TNNI3K: variants seen among roughly 807,000 people sequenced by gnomAD.
TNNI3K encodes TNNI3 interacting kinase, also known as serine/threonine-protein kinase TNNI3K.
A neutral mutation model predicts 114.5 loss-of-function variants in TNNI3K; 140 were observed. The ratio of observed to expected loss-of-function variants is 1.22; its 90% CI spans 1.07 to 1.41. TNNI3K has a LOEUF of 1.41. TNNI3K is among the 40% of genes most tolerant of loss of function. The pLI, the probability that TNNI3K is intolerant of heterozygous loss-of-function variation, is 0.00. For missense variants in TNNI3K, 1,125 were observed against 1,007.6 expected (o/e 1.12, Z -1.58); for synonymous variants, 347 against 347.5 (o/e 1.00, Z 0.02).
Position 74,369,093 on chromosome 1 carries a change from T to G in TNNI3K, c.1393T>G (p.Phe465Val). ...HFHLQLSEIE[F>V]HEIIGSGSFG... ...CCATCTTCAGCTCTCAGAAATTGAG[T>G]TCCATGAGATTATTGGCTCAGGTAA... is the stretch of plus-strand genomic sequence containing the variant. The change falls in exon 14 of 25, where the codon TTC becomes GTC. Residue 465 changes from phenylalanine (F) to valine (V), a missense_variant. Phe to Val is a conservative substitution (Grantham distance 50). Transcript: ENST00000326637. 1 of 1,610,328 alleles carries G rather than the reference T, an allele frequency of 6.2e-7. No individual in the cohort carries two copies. Among genetic ancestry groups the G allele is most frequent in the Non-Finnish European group, 8.5e-7 (1 of 1,178,322 alleles).
intron 23 of TNNI3K, among the ~76,000 whole-genome samples, chr1:74,506,806 C>T (rs766481217): frequency 3.9e-5 from 6 of 152,226 alleles, no homozygotes; most frequent in Middle Eastern, 3.4e-3. Flanking sequence ...TTTTTTCCTT[C>T]TCCAAGGTTG....
intron 21 of TNNI3K, chr1:74,470,341 G>A (rs900056623): frequency 5.0e-6 from 2 of 400,578 alleles, no homozygotes; most frequent in Non-Finnish European, 8.8e-6. Flanking sequence ...TAACATACTA[G>A]AATCTGTCTT....
intron 23 of TNNI3K, among the ~76,000 whole-genome samples, chr1:74,500,422 T>G (rs1248781492): frequency 6.6e-6 from 1 of 150,956 alleles, no homozygotes; most frequent in Non-Finnish European, 1.5e-5. Context: ...TAAAAAACGG[T>G]GAAACCCCGT....
intron 17 of TNNI3K, among the ~76,000 whole-genome samples, chr1:74,383,994 A>G (rs1166468001): frequency 6.6e-6 from 1 of 152,112 alleles, no homozygotes; most frequent in African/African-American, 2.4e-5. Context: ...ATGTATAGTC[A>G]TTTAGCCCCA....
chr1:74,477,645 T>A (rs1234933024), intron 21 of TNNI3K, among the ~76,000 whole-genome samples: 2 of 152,198 alleles, frequency 1.3e-5, no homozygotes, highest in East Asian at 3.8e-4. Flanking sequence ...TCTAATTGTG[T>A]CTGAATGGCA....
intron 5 of TNNI3K, among the ~76,000 whole-genome samples, chr1:74,313,951 T>C (rs771254635): frequency 6.6e-6 from 1 of 151,334 alleles, no homozygotes; most frequent in African/African-American, 2.4e-5. Context: ...TTTTAACCTC[T>C]GATAAGACTG....
chr1:74,242,233 G>A (rs1194813987), intron 2 of TNNI3K, among the ~76,000 whole-genome samples: 1 of 152,132 alleles, frequency 6.6e-6, no homozygotes, highest in Non-Finnish European at 1.5e-5. Context: ...ATCTTGGTCA[G>A]TAATTACAGT....
rs981594019 is a variant in TNNI3K at position 74,544,272 on chromosome 1, T to C, written c.*290T>C. The stretch of plus-strand genomic sequence containing the variant: ...TTGGAAATGGAGCCTAAGTCTGTGG[T>C]GGACAGATAATAATTATGTTTTCCT... On this transcript the variant is annotated 3_prime_UTR_variant, in exon 25 of 25. Transcript: ENST00000326637. 6.4e-6 allele frequency: 2 copies of C among 311,866 alleles called. No individual in the cohort carries two copies. Among genetic ancestry groups the C allele is most frequent in the African/African-American group, 4.4e-5 (2 of 45,458 alleles). 19.3% of individuals were successfully genotyped at this position (311,866 alleles called of 1,614,324 possible).
At chr1:74,509,936 TAG>T (rs201575154) in intron 23 of TNNI3K, among the ~76,000 whole-genome samples, 4,072 of 151,956 alleles carry the variant, frequency 0.027, 85 homozygotes, top group Middle Eastern at 0.078. Context: ...GTATTTTTTG[TAG>T]AGACAGGGTT....
At chr1:74,435,548 G>T in intron 17 of TNNI3K, among the ~76,000 whole-genome samples, 1 of 152,020 alleles carries the variant, frequency 6.6e-6, no homozygotes, top group East Asian at 1.9e-4. Flanking sequence ...AAGTGGTTTA[G>T]TTGGCATCAT....
At chr1:74,264,012 A>G (rs1655823483) in intron 4 of TNNI3K, among the ~76,000 whole-genome samples, 1 of 151,898 alleles carries the variant, frequency 6.6e-6, no homozygotes, top group Non-Finnish European at 1.5e-5. Context: ...TGATTTAAGG[A>G]TGTTCAAAGG....
intron 17 of TNNI3K, among the ~76,000 whole-genome samples, chr1:74,434,593 A>G (rs1666040935): frequency 6.6e-6 from 1 of 151,374 alleles, no homozygotes; most frequent in Admixed American, 6.6e-5. Flanking sequence ...TGTAGATGCA[A>G]TTTTCTTATT....
intron 17 of TNNI3K, among the ~76,000 whole-genome samples, chr1:74,406,548 G>A (rs574233408): frequency 6.6e-6 from 1 of 152,210 alleles, no homozygotes; most frequent in East Asian, 1.9e-4. Flanking sequence ...TGTCTCTTCT[G>A]CCTTCAGCTC....
chr1:74,523,062 G>A (rs1646455404), intron 23 of TNNI3K, among the ~76,000 whole-genome samples: 1 of 152,152 alleles, frequency 6.6e-6, no homozygotes, highest in Non-Finnish European at 1.5e-5. Context: ...GAAAAGCAGT[G>A]AGCTTCAGTA....
At chr1:74,319,442 G>A (rs1189570537) in intron 5 of TNNI3K, among the ~76,000 whole-genome samples, 1 of 152,158 alleles carries the variant, frequency 6.6e-6, no homozygotes, top group East Asian at 1.9e-4. Flanking sequence ...GCCTCATGTA[G>A]AAGCAATACC....
In TNNI3K at chr1:74,271,724, G is replaced by T; in HGVS notation, c.444+16G>T. ...CCACCTAGAGGTAAGTCATGCCTTTGGCACCTGTGAAAACAAAGGTTATTT... is the reference window on the plus strand; with the variant it reads ...CCACCTAGAGGTAAGTCATGCCTTTTGCACCTGTGAAAACAAAGGTTATTT... On this transcript the variant is annotated intron_variant, in intron 5 of 24. Coordinates refer to ENST00000326637, the MANE Select transcript of TNNI3K (RefSeq NM_015978.3). The T allele has an allele frequency of 6.3e-7, 1 of 1,592,646 alleles. No homozygotes were observed. Among genetic ancestry groups the T allele is most frequent in the South Asian group, 1.1e-5 (1 of 88,066 alleles).
At chr1:74,288,303 C>T (rs1657457062) in intron 5 of TNNI3K, among the ~76,000 whole-genome samples, 3 of 152,040 alleles carry the variant, frequency 2.0e-5, no homozygotes, top group Admixed American at 6.6e-5. Flanking sequence ...CTCTCTCATT[C>T]GTATTGCAAC....
At chr1:74,504,596 C>A (rs1284860112) in intron 23 of TNNI3K, among the ~76,000 whole-genome samples, 2 of 152,058 alleles carry the variant, frequency 1.3e-5, no homozygotes, top group Non-Finnish European at 2.9e-5. Context: ...TAATAAAAGT[C>A]AAGATATGAG....
intron 17 of TNNI3K, among the ~76,000 whole-genome samples, chr1:74,398,005 A>G (rs1336629461): frequency 6.6e-6 from 1 of 152,232 alleles, no homozygotes; most frequent in Non-Finnish European, 1.5e-5. Flanking sequence ...GAAAAAATTA[A>G]TACATGGAGA....
Sources: gnomAD v4.1 joint callset for allele counts (sites outside exome capture counted in the v4.1 genomes callset) on GRCh38, gnomAD v4.1.1 for gene constraint, MANE v1.5 for transcripts, NCBI Gene and HGNC (gene_info 2026-07-23, HGNC 2026-07-21) for gene names.